MRPL10: variants seen among roughly 807,000 people sequenced by gnomAD.
MRPL10 encodes large ribosomal subunit protein uL10m.
Under a neutral mutation model 19.8 loss-of-function variants are expected in MRPL10, and 14 were observed. That is an observed-to-expected ratio of 0.71 (90% CI 0.47 to 1.11). The LOEUF (loss-of-function observed/expected upper bound fraction) is 1.11. MRPL10 is among the 50% of genes least tolerant of loss of function. The pLI is 0.00. For missense variants in MRPL10, 318 were observed against 339.6 expected (o/e 0.94, Z 0.50); for synonymous variants, 129 against 139.2 (o/e 0.93, Z 0.52).
intron 2 of MRPL10, 79 bp downstream of exon 2, chr17:47,828,422 A>C: frequency 9.5e-7 from 1 of 1,051,486 alleles, no homozygotes; most frequent in Non-Finnish European, 1.3e-6. Flanking sequence ...TGAGTGTCCT[A>C]CTTCACTATG....
chr17:47,827,894 C>CAAAA (rs60303077), intron 2 of MRPL10, among the ~76,000 whole-genome samples: 5,033 of 45,694 alleles, frequency 0.11, 1,427 homozygotes, highest in Middle Eastern at 0.2. Context: ...CTCTGTCTCA[C>CAAAA]AAAAAAAAAA....
chr17:47,830,820 A>G (rs759352657), intron 1 of MRPL10, among the ~76,000 whole-genome samples: 2 of 152,078 alleles, frequency 1.3e-5, no homozygotes, highest in Non-Finnish European at 2.9e-5. Context: ...CTGGATTTTA[A>G]TCTCTCTTCC....
rs753333063 is a variant in MRPL10, at chr17:47,824,177, T to A, written c.*28A>T. 1.2e-6 allele frequency: 2 copies of A among 1,613,784 alleles called. No homozygotes were observed. The highest frequency in any genetic ancestry group is 1.7e-5 in the Admixed American group (1 of 60,000). On this transcript the variant is annotated 3_prime_UTR_variant, in exon 5 of 5. Transcript: ENST00000351111. ...CACAGCCAATAACGCAGAGTGTATT[T>A]ATGCGCAGGGCTGGCTAAACAGGCT...
intron 1 of MRPL10, among the ~76,000 whole-genome samples, chr17:47,830,575 G>C (rs139488842): frequency 6.6e-6 from 1 of 151,558 alleles, no homozygotes; most frequent in Non-Finnish European, 1.5e-5. Flanking sequence ...ATGCGATCTC[G>C]GCCCACTGCA....
intron 4 of MRPL10, 42 bp from the exon 5 acceptor site, chr17:47,824,500 T>C (rs761065769): frequency 6.7e-7 from 1 of 1,503,040 alleles, no homozygotes; most frequent in East Asian, 2.3e-5. Flanking sequence ...GCAGATTGCC[T>C]TTCTTCTCTG....
chr17:47,827,894 CAAAAAAAAAAA>C (rs60303077), intron 2 of MRPL10, among the ~76,000 whole-genome samples: 5 of 45,714 alleles, frequency 1.1e-4, no homozygotes, highest in African/African-American at 3.0e-4. Context: ...CTCTGTCTCA[CAAAAAAAAAAA>C]AAAAAAAAAA....
intron 1 of MRPL10, among the ~76,000 whole-genome samples, chr17:47,828,898 T>G (rs2033580004): frequency 6.6e-6 from 1 of 152,190 alleles, no homozygotes; most frequent in African/African-American, 2.4e-5. Flanking sequence ...CTACCATTTC[T>G]CTAGCTCTTC....
intron 1 of MRPL10, among the ~76,000 whole-genome samples, chr17:47,830,895 G>A (rs2033618117): frequency 6.6e-6 from 1 of 152,232 alleles, no homozygotes; most frequent in Non-Finnish European, 1.5e-5. Context: ...CGTCTGTAAA[G>A]AGGAGATGCG....
Position 47,823,743 on chromosome 17 carries a change from A to C in MRPL10, c.*462T>G. 5.3e-6 allele frequency: 1 copy of C among 187,694 alleles called. No individual in the cohort carries two copies. The highest frequency in any genetic ancestry group is 2.4e-5 in the African/African-American group (1 of 41,852). The allele number at this position is 187,694 out of a possible 1,614,324, so 11.6% of individuals were successfully genotyped here. On this transcript the variant is annotated 3_prime_UTR_variant, in exon 5 of 5. Coordinates refer to ENST00000351111, the MANE Select transcript of MRPL10 (RefSeq NM_145255.4). ...AATGGGTACAATGTGGTCAGCAGTA[A>C]AGGAACTAATACATGTACAGCACTC...
intron 2 of MRPL10, 49 bp from the exon 3 acceptor site, chr17:47,827,253 T>C (rs1280675391): frequency 6.5e-7 from 1 of 1,537,346 alleles, no homozygotes; most frequent in East Asian, 2.3e-5. Flanking sequence ...CCACTTCTCC[T>C]GGCAACGTTG....
At position 47,823,511 on chromosome 17, in the gene MRPL10, G is replaced by C. The variant is rs1039437468; in HGVS notation, c.*694C>G. ...GCAGTGCTCCCAAACTTTTCACAGC[G>C]TACACCTCGAGGGTGGAGAACTAAC... On this transcript the variant is annotated 3_prime_UTR_variant, in exon 5 of 5. Transcript: ENST00000351111. 1 of 147,064 alleles carries C rather than the reference G, an allele frequency of 6.8e-6. No homozygotes were observed. The highest frequency in any genetic ancestry group is 1.5e-5 in the Non-Finnish European group (1 of 64,942). 9.1% of individuals were successfully genotyped at this position (147,064 alleles called of 1,614,324 possible). A position where few individuals can be genotyped will look rare whatever the true frequency, so the allele number is the denominator to read the frequency against.
At chr17:47,827,588 C>T (rs975818139) in intron 2 of MRPL10, among the ~76,000 whole-genome samples, 4 of 152,132 alleles carry the variant, frequency 2.6e-5, no homozygotes, top group African/African-American at 9.7e-5. Flanking sequence ...AACTCTTTTG[C>T]AGTGTTAGTT....
chr17:47,823,587 G>A lies in MRPL10; in HGVS notation c.*618C>T, dbSNP rs2033476657. The stretch of plus-strand genomic sequence containing the variant: ...GGGACCCACTTCTGGGTAACCTGAT[G>A]AGGAAGCTCTAGTGAAGAAATTCAG... On this transcript the variant is annotated 3_prime_UTR_variant, in exon 5 of 5. Transcript: ENST00000351111. 6.5e-6 allele frequency: 1 copy of A among 153,886 alleles called. No homozygotes were observed. The highest frequency in any genetic ancestry group is 6.4e-5 in the Admixed American group (1 of 15,744). The allele number at this position is 153,886 out of a possible 1,614,324, so 9.5% of individuals were successfully genotyped here.
Position 47,826,753 on chromosome 17 carries a change from T to C in MRPL10, c.416A>G (p.Lys139Arg), listed in dbSNP as rs1157621599. The change falls in exon 4 of 5, where the codon AAG (lysine) becomes AGG (arginine). Residue 139 changes from lysine to arginine, a missense_variant. Lys to Arg is a conservative substitution (Grantham distance 26). Transcript: ENST00000351111. ...QVLKPFLEDS[K>R]YQNLLPLFVG... ...AAAAAGGGGCAGCAGATTTTGGTAC[T>C]TGGAATCCTCCAGGAAGGGCTTCAG... The C allele has an allele frequency of 1.9e-6, 3 of 1,614,176 alleles. No individual in the cohort carries two copies.
Position 47,831,502 on chromosome 17 carries a change from C to T in MRPL10, c.10G>A (p.Ala4Thr). 1 of 1,550,196 alleles carries T rather than the reference C, an allele frequency of 6.5e-7. No homozygotes were observed. Among genetic ancestry groups the T allele is most frequent in the Non-Finnish European group, 8.7e-7 (1 of 1,146,746 alleles). Residue 4 changes from alanine to threonine, a missense_variant, in exon 1 of 5, where the codon GCC becomes ACC. Coordinates refer to ENST00000351111, the MANE Select transcript of MRPL10 (RefSeq NM_145255.4). MAA[A>T]VAGMLRGGLL... ...CCCCCTCGCAGCATCCCCGCCACGG[C>T]CGCAGCCATCTCCACCGGAAGAATG...
Position 47,827,023 on chromosome 17 carries a change from A to C in MRPL10, c.387+17T>G. ...GGGGGAAGATGGGCAACCCATGCCA[A>C]GGGGCCTGCTCCCTACCTGGTTGGG... On this transcript the variant is annotated intron_variant, in intron 3 of 4. Transcript: ENST00000351111. 6.3e-7 allele frequency: 1 copy of C among 1,596,618 alleles called. No individual in the cohort carries two copies. The highest frequency in any genetic ancestry group is 1.1e-5 in the South Asian group (1 of 88,588).
At position 47,824,190 on chromosome 17, in the gene MRPL10, G is replaced by C. The variant is rs1211239629; in HGVS notation, c.*15C>G. ...GCAGAGTGTATTTATGCGCAGGGCT[G>C]GCTAAACAGGCTGGCTACGAGTCCG... On this transcript the variant is annotated 3_prime_UTR_variant, in exon 5 of 5. Transcript: ENST00000351111. 6.2e-7 allele frequency: 1 copy of C among 1,614,092 alleles called. No individual in the cohort carries two copies. Among genetic ancestry groups the C allele is most frequent in the Admixed American group, 1.7e-5 (1 of 60,026 alleles).
At position 47,824,323 on chromosome 17, in the gene MRPL10, T is replaced by A. The variant is rs374619461; in HGVS notation, c.668A>T (p.Gln223Leu). 6.2e-7 allele frequency: 1 copy of A among 1,614,070 alleles called. No homozygotes were observed. The highest frequency in any genetic ancestry group is 8.5e-7 in the Non-Finnish European group (1 of 1,179,988). ...GGTGGTCAGCTGGAGGGGCTGGTGC[T>A]GGAGCAGGGAGTGGGTCTGGGCTGT... The part of the protein sequence containing the change: ...CLTAQTHSLL[Q>L]HQPLQLTTLL... Residue 223 changes from glutamine to leucine, a missense_variant, in exon 5 of 5, where the codon CAG (glutamine) becomes CTG (leucine). Transcript: ENST00000351111.
chr17:47,827,469 C>A (rs1298400784), intron 2 of MRPL10, among the ~76,000 whole-genome samples: 2 of 152,150 alleles, frequency 1.3e-5, no homozygotes, highest in East Asian at 3.8e-4. Context: ...CGAAAACAGG[C>A]CTGCAGTCTG....
Sources: gnomAD v4.1 joint callset for allele counts (sites outside exome capture counted in the v4.1 genomes callset) on GRCh38, gnomAD v4.1.1 for gene constraint, MANE v1.5 for transcripts, NCBI Gene and HGNC (gene_info 2026-07-23, HGNC 2026-07-21) for gene names.